The following ZNF790 variants were observed in gnomAD, a reference collection of about 807,000 sequenced individuals.
The protein encoded by ZNF790 is zinc finger protein 790.
A neutral mutation model predicts 12.1 loss-of-function variants in ZNF790; 8 were observed. The observed-to-expected ratio is 0.66, with a 90% CI of 0.39 to 1.19. ZNF790 has a LOEUF of 1.19. ZNF790 is among the 50% of genes most tolerant of loss of function. ZNF790 has a pLI of 0.01. For synonymous variants in ZNF790, 252 were observed against 244.3 expected, an observed-to-expected ratio of 1.03 and a Z score of -0.29; for missense variants, 707 against 752.2, an observed-to-expected ratio of 0.94 and a Z score of 0.70.
intron 1 of ZNF790, among the ~76,000 whole-genome samples, chr19:36,844,786 C>T (rs1262414322): frequency 2.6e-5 from 4 of 151,976 alleles, no homozygotes; most frequent in Admixed American, 6.6e-5. Flanking sequence ...CGGTGGCTCA[C>T]GCCTGTAATC....
chr19:36,848,409 G>A (rs762014547), intron 1 of ZNF790, among the ~76,000 whole-genome samples: 1 of 152,094 alleles, frequency 6.6e-6, no homozygotes, highest in Non-Finnish European at 1.5e-5. Context: ...CTTATTTCCC[G>A]GACTACCCCA....
intron 1 of ZNF790, among the ~76,000 whole-genome samples, chr19:36,845,900 C>T (rs185771431): frequency 3.2e-4 from 48 of 152,024 alleles, no homozygotes; most frequent in Admixed American, 2.8e-3. Context: ...CCTCTGCCTC[C>T]CGGGTTCAAG....
intron 1 of ZNF790, among the ~76,000 whole-genome samples, chr19:36,835,050 G>A (rs1421940657): frequency 6.6e-6 from 1 of 152,212 alleles, no homozygotes; most frequent in African/African-American, 2.4e-5. Context: ...CACTTTGGGA[G>A]GCCAAGGTGG....
In ZNF790 at chr19:36,832,448, G is replaced by A. The variant is rs535777136; in HGVS notation, c.-74+5889C>T. 3.9e-5 allele frequency among the ~76,000 whole-genome samples: 6 copies of A among 152,294 alleles called. No individual in the cohort carries two copies. In the South Asian group the frequency reaches 1.0e-3, roughly 26 times the overall value. On this transcript the variant is annotated intron_variant, in intron 1 of 4. Coordinates refer to ENST00000356725, the MANE Select transcript of ZNF790 (RefSeq NM_206894.4). ...TGTGGCTTCCAGCTTATGCGTTCTT[G>A]CTGTCCTTTTGCTCTGGAGAAAACC...
intron 1 of ZNF790, among the ~76,000 whole-genome samples, chr19:36,834,312 A>C (rs2072001328): frequency 6.6e-6 from 1 of 151,984 alleles, no homozygotes; most frequent in Non-Finnish European, 1.5e-5. Context: ...GACGATATAT[A>C]CAATACACAA....
chr19:36,843,625 C>T (rs980913700), intron 1 of ZNF790, among the ~76,000 whole-genome samples: 2 of 152,116 alleles, frequency 1.3e-5, no homozygotes, highest in Non-Finnish European at 2.9e-5. Flanking sequence ...TATCTGCAGC[C>T]TCTACTATTT....
Position 36,819,901 on chromosome 19 carries a change from C to CT in ZNF790, c.442dup (p.Arg148LysfsTer5). ...CACTGTATGCTGGTTAAAAGTGGGC[C>CT]TTTTTTCACAGGTGCGTATCACCTG... On this transcript the variant is annotated frameshift_variant, in exon 5 of 5. Transcript: ENST00000356725. LOFTEE classifies it low-confidence loss of function (END_TRUNC). The CT allele has an allele frequency of 1.2e-6, 2 of 1,614,054 alleles. No individual in the cohort carries two copies. The highest frequency in any genetic ancestry group is 1.7e-6 in the Non-Finnish European group (2 of 1,179,998).
chr19:36,824,232 TG>T (rs1350492875), intron 2 of ZNF790, among the ~76,000 whole-genome samples: 1 of 151,766 alleles, frequency 6.6e-6, no homozygotes, highest in Non-Finnish European at 1.5e-5. Context: ...CTCCTGACCT[TG>T]TGATCCACCC....
chr19:36,824,468 G>A (rs2071754325), intron 2 of ZNF790, among the ~76,000 whole-genome samples: 1 of 151,928 alleles, frequency 6.6e-6, no homozygotes, highest in South Asian at 2.1e-4. Flanking sequence ...CACTGCGCCT[G>A]GCTAATTTTT....
At chr19:36,839,577 A>T (rs1215958286), upstream of ZNF790, among the ~76,000 whole-genome samples, 1 of 151,996 alleles carries the variant, frequency 6.6e-6, no homozygotes, top group African/African-American at 2.4e-5. Flanking sequence ...ATTTTTATAG[A>T]GACAGGGTCT....
intron 1 of ZNF790, among the ~76,000 whole-genome samples, chr19:36,835,141 T>A (rs1455800397): frequency 6.6e-6 from 1 of 152,024 alleles, no homozygotes. Context: ...CAAAAAAAAT[T>A]AGCCGGGCAT....
intron 4 of ZNF790, among the ~76,000 whole-genome samples, chr19:36,820,812 C>T (rs2071650099): frequency 6.6e-6 from 1 of 151,878 alleles, no homozygotes; most frequent in Non-Finnish European, 1.5e-5. Context: ...GGCAGCATCA[C>T]CTGAGCCTAG....
chr19:36,822,841 GT>G (rs916374303), intron 4 of ZNF790, among the ~76,000 whole-genome samples: 3 of 150,100 alleles, frequency 2.0e-5, no homozygotes, highest in African/African-American at 7.3e-5. Flanking sequence ...CACCCAGCCA[GT>G]TTTTGTTTTT....
chr19:36,834,391 C>G (rs1176819633), intron 1 of ZNF790, among the ~76,000 whole-genome samples: 2 of 152,134 alleles, frequency 1.3e-5, no homozygotes, highest in East Asian at 3.9e-4. Context: ...ACAAGTTTCC[C>G]AACAGCTAGG....
intron 2 of ZNF790, among the ~76,000 whole-genome samples, chr19:36,824,549 C>T (rs2071755715): frequency 6.6e-6 from 1 of 152,112 alleles, no homozygotes; most frequent in East Asian, 1.9e-4. Flanking sequence ...CTCAAGTGAT[C>T]CACCCACCTT....
chr19:36,820,136 ACAT>A (rs2071635745), intron 4 of ZNF790, 22 bp from the exon 5 acceptor site: 1 of 1,589,264 alleles, frequency 6.3e-7, no homozygotes, highest in Non-Finnish European at 8.5e-7. Flanking sequence ...GAAGGTAAAA[ACAT>A]CATACGGTTG....
upstream of ZNF790, among the ~76,000 whole-genome samples, chr19:36,839,074 TC>T (rs2072105156): frequency 6.6e-6 from 1 of 152,244 alleles, no homozygotes; most frequent in Non-Finnish European, 1.5e-5. Context: ...GTGTTTGGTT[TC>T]AATTAATGTT....
chr19:36,842,136 T>C (rs1325033089), upstream of ZNF790, among the ~76,000 whole-genome samples: 6 of 152,290 alleles, frequency 3.9e-5, no homozygotes, highest in East Asian at 1.9e-4. Context: ...CTGGACTTCA[T>C]AGAAAATGTA....
chr19:36,845,267 T>G (rs2072169898), intron 1 of ZNF790, among the ~76,000 whole-genome samples: 1 of 151,598 alleles, frequency 6.6e-6, no homozygotes, highest in South Asian at 2.1e-4. Flanking sequence ...AAATCAAAAA[T>G]TAGCTGGGCG....
Sources: gnomAD v4.1 joint callset for allele counts (sites outside exome capture counted in the v4.1 genomes callset) on GRCh38, gnomAD v4.1.1 for gene constraint, MANE v1.5 for transcripts, NCBI Gene and HGNC (gene_info 2026-07-23, HGNC 2026-07-21) for gene names.